Variants in ELMOD3 observed in about 807,000 individuals in gnomAD.
The protein encoded by ELMOD3 is ELMO domain containing 3, also known as ELMO domain-containing protein 3.
In ELMOD3, 36 loss-of-function variants were observed where a neutral mutation model predicts 47.4. That is an observed-to-expected ratio of 0.76 (90% CI 0.58 to 1.00). ELMOD3 has a LOEUF of 1.00. ELMOD3 is among the 50% of genes least tolerant of loss of function. ELMOD3 has a pLI of 0.00. For missense variants in ELMOD3, 404 were observed against 463.8 expected (o/e 0.87, Z 1.18); for synonymous variants, 149 against 183.5 (o/e 0.81, Z 1.52).
At chr2:85,378,708 C>T (rs538430493) in intron 11 of ELMOD3, among the ~76,000 whole-genome samples, 36 of 152,186 alleles carry the variant, frequency 2.4e-4, no homozygotes, top group Non-Finnish European at 4.4e-4. Context: ...TGACATTTCC[C>T]TTTAGCTTAG....
At chr2:85,380,650 G>A (rs1008582104) in intron 11 of ELMOD3, among the ~76,000 whole-genome samples, 3 of 152,094 alleles carry the variant, frequency 2.0e-5, no homozygotes, top group Non-Finnish European at 4.4e-5. Flanking sequence ...CTCAGCCTCC[G>A]AGTAGCTGGG....
chr2:85,356,960 T>G lies in ELMOD3; in HGVS notation c.-232-7T>G. 2.7e-6 allele frequency: 1 copy of G among 365,416 alleles called. No individual in the cohort carries two copies. The highest frequency in any genetic ancestry group is 4.9e-6 in the Non-Finnish European group (1 of 205,472). 22.6% of individuals were successfully genotyped at this position (365,416 alleles called of 1,614,324 possible). A position where few individuals can be genotyped will look rare whatever the true frequency, so the allele number is the denominator to read the frequency against. ...CTTTTTCAATTTCTTTTTTTTCTTT[T>G]GTGCAGAGCTGAGGCTTCGAAGACC... On this transcript the variant is annotated splice_polypyrimidine_tract_variant and splice_region_variant and intron_variant, in intron 3 of 13. Coordinates refer to ENST00000409013, the MANE Select transcript of ELMOD3 (RefSeq NM_001135022.2).
At chr2:85,375,495 A>C in intron 10 of ELMOD3, among the ~76,000 whole-genome samples, 1 of 152,022 alleles carries the variant, frequency 6.6e-6, no homozygotes, top group East Asian at 1.9e-4. Flanking sequence ...GAGAGTTTTT[A>C]GTTCTAGTTC....
rs140131324 is a variant in ELMOD3, at chr2:85,355,132, T to G, written c.-315T>G. On this transcript the variant is annotated 5_prime_UTR_variant, in exon 2 of 14. An upstream start codon of the reference 5' UTR is lost. Coordinates refer to ENST00000409013, the MANE Select transcript of ELMOD3 (RefSeq NM_001135022.2). ...ACAGCCCCTGTCTGACTGGTTGTCA[T>G]GATGAATTGAGCTCTCTGTTACCTG... The G allele has an allele frequency of 7.2e-5, 11 of 152,564 alleles. No homozygotes were observed. The highest frequency in any genetic ancestry group is 2.6e-4 in the African/African-American group (11 of 41,578). The allele number at this position is 152,564 out of a possible 1,614,324, so 9.5% of individuals were successfully genotyped here. A position where few individuals can be genotyped will look rare whatever the true frequency, so the allele number is the denominator to read the frequency against.
chr2:85,361,470 A>G (rs1683951026), intron 4 of ELMOD3, among the ~76,000 whole-genome samples: 1 of 152,152 alleles, frequency 6.6e-6, no homozygotes. Context: ...AAAAGTTGCA[A>G]CATTTACCTT....
At chr2:85,388,232 C>A (rs1338036608) in intron 11 of ELMOD3, among the ~76,000 whole-genome samples, 1 of 152,088 alleles carries the variant, frequency 6.6e-6, no homozygotes, top group Non-Finnish European at 1.5e-5. Context: ...TCAAGTGATC[C>A]ATCCGCCTGT....
chr2:85,373,919 C>CTTTTTTT (rs769671833), intron 10 of ELMOD3, among the ~76,000 whole-genome samples: 2 of 124,582 alleles, frequency 1.6e-5, no homozygotes, highest in African/African-American at 3.0e-5. Context: ...TCCTAACCCT[C>CTTTTTTT]TTTTTTTTTT....
intron 10 of ELMOD3, among the ~76,000 whole-genome samples, chr2:85,374,346 AT>A (rs929265049): frequency 6.0e-5 from 9 of 150,542 alleles, no homozygotes; most frequent in African/African-American, 1.2e-4. Flanking sequence ...ACAAAAAATA[AT>A]TTTTTTTTTC....
intron 11 of ELMOD3, among the ~76,000 whole-genome samples, chr2:85,380,354 C>CA (rs1246573853): frequency 6.6e-6 from 1 of 152,036 alleles, no homozygotes; most frequent in Non-Finnish European, 1.5e-5. Context: ...AGCAAAAGGT[C>CA]AAAAAAATTA....
At chr2:85,390,563 A>G in intron 13 of ELMOD3, 197 bp from the exon 14 acceptor site, 1 of 1,559,970 alleles carries the variant, frequency 6.4e-7, no homozygotes. Context: ...CAGACAAGGT[A>G]GAGTGTGTGG....
chr2:85,381,078 G>T (rs977735906), intron 11 of ELMOD3, among the ~76,000 whole-genome samples: 3 of 152,104 alleles, frequency 2.0e-5, no homozygotes, highest in African/African-American at 7.2e-5. Context: ...TACAAATACA[G>T]CCCAAAGAAA....
rs1000166133 is a variant in ELMOD3, at chr2:85,364,994, T to C, written c.199+1828T>C. The stretch of plus-strand genomic sequence containing the variant: ...TAGCTAATTTTTAAAAAATTTGAGA[T>C]GGAGACGGTCTCATTATGTTGCCCA... On this transcript the variant is annotated intron_variant, in intron 6 of 13. Transcript: ENST00000409013. Among the ~76,000 whole-genome samples, 93 of 150,354 alleles carry C rather than the reference T, an allele frequency of 6.2e-4. 1 individual carries two copies. The highest frequency in any genetic ancestry group is 3.5e-3 in the Middle Eastern group (1 of 284).
intron 5 of ELMOD3, 76 bp from the exon 6 acceptor site, chr2:85,363,021 C>G: frequency 1.1e-6 from 1 of 885,336 alleles, no homozygotes; most frequent in East Asian, 2.4e-5. Context: ...ACATTCAGTA[C>G]AGTGGGTGGG....
At chr2:85,375,474 G>T (rs1022355307) in intron 10 of ELMOD3, among the ~76,000 whole-genome samples, 1 of 152,070 alleles carries the variant, frequency 6.6e-6, no homozygotes, top group African/African-American at 2.4e-5. Flanking sequence ...TTCTCCTGTT[G>T]ACCCCATCCA....
chr2:85,371,650 TGA>T, intron 10 of ELMOD3, 88 bp downstream of exon 10: 4 of 1,556,306 alleles, frequency 2.6e-6, no homozygotes, highest in Non-Finnish European at 3.5e-6. Context: ...TCCAGTGCTA[TGA>T]GGGGGAAGAT....
chr2:85,377,526 C>A, intron 11 of ELMOD3, 52 bp downstream of exon 11: 1 of 1,557,174 alleles, frequency 6.4e-7, no homozygotes, highest in Non-Finnish European at 8.7e-7. Flanking sequence ...GGAGCTAGGA[C>A]CTGAGTGGCC....
Position 85,357,178 on chromosome 2 carries a change from A to G in ELMOD3, c.-21A>G, listed in dbSNP as rs1166098644. On this transcript the variant is annotated 5_prime_UTR_variant, in exon 4 of 14. It removes an upstream start codon present in the reference 5' UTR. Coordinates refer to ENST00000409013, the MANE Select transcript of ELMOD3 (RefSeq NM_001135022.2). Reference sequence around the variant, plus strand: ...TTCTGGGCCCAAGGACAAAGCTCACATGAACAAATGATTTTGAGTCATGAA... The same window carrying G: ...TTCTGGGCCCAAGGACAAAGCTCACGTGAACAAATGATTTTGAGTCATGAA... The G allele has an allele frequency of 2.5e-6, 4 of 1,594,792 alleles. No individual in the cohort carries two copies. The highest frequency in any genetic ancestry group is 4.5e-5 in the East Asian group (2 of 44,464).
intron 10 of ELMOD3, among the ~76,000 whole-genome samples, chr2:85,373,905 T>C (rs1573118801): frequency 6.7e-6 from 1 of 149,202 alleles, no homozygotes; most frequent in African/African-American, 2.4e-5. Flanking sequence ...TGTTTGTTCT[T>C]CCTTCCTAAC....
At chr2:85,366,272 A>G (rs749280207) in intron 6 of ELMOD3, among the ~76,000 whole-genome samples, 30 of 151,442 alleles carry the variant, frequency 2.0e-4, no homozygotes, top group Admixed American at 5.3e-4. Flanking sequence ...CACCCGGCCT[A>G]CTCTTCCCTT....
Sources: allele counts gnomAD v4.1 joint callset (sites outside exome capture counted in the v4.1 genomes callset), GRCh38; gene constraint gnomAD v4.1.1; transcripts MANE v1.5; gene names NCBI Gene and HGNC (gene_info 2026-07-23, HGNC 2026-07-21).